C4orf50: variants seen among roughly 807,000 people sequenced by gnomAD.
C4orf50 encodes the protein uncharacterized protein C4orf50.
In C4orf50, 80 loss-of-function variants were observed where a neutral mutation model predicts 77.2. That is an observed-to-expected ratio of 1.04 (90% confidence interval 0.87 to 1.25). C4orf50 has a LOEUF of 1.25. Ranked by LOEUF, C4orf50 falls within the 50% of genes most tolerant of loss-of-function variation. C4orf50 has a pLI of 0.00. For synonymous variants in C4orf50, 532 were observed against 465.3 expected (o/e 1.14, Z -1.84); for missense variants, 1,257 against 1,152.9 (o/e 1.09, Z -1.31).
intron 33 of C4orf50, among the ~76,000 whole-genome samples, chr4:5,962,780 G>A (rs1719342195): frequency 6.6e-6 from 1 of 152,200 alleles, no homozygotes; most frequent in African/African-American, 2.4e-5. Flanking sequence ...GGGACTGGAT[G>A]AGCCAATGCC....
rs754136824 is a variant in C4orf50, at chr4:6,017,769, G to GTCCT, written c.287+372_287+375dup. On this transcript the variant is annotated intron_variant, in intron 23 of 33. Transcript: ENST00000531445. This position sits in a 1 kb window ranked among gnomAD's most constrained non-coding sequence, Gnocchi z 4.7. ...CGACCAACTGGATTTGTCTGCCTCT[G>GTCCT]TCCTTGGTTTCTCAGTTCCTTCTAC... Among the ~76,000 whole-genome samples, 152 of 152,270 alleles carry GTCCT rather than the reference G, an allele frequency of 1.0e-3. No homozygotes were observed. Among genetic ancestry groups the GTCCT allele is most frequent in the Non-Finnish European group, 1.7e-3 (118 of 68,016 alleles).
intron 25 of C4orf50, among the ~76,000 whole-genome samples, chr4:6,003,641 G>GGTGATGGTGATGACAGTGATGATGGTGA (rs1721948800): frequency 7.8e-6 from 1 of 128,822 alleles, no homozygotes; most frequent in African/African-American, 2.8e-5. Flanking sequence ...CGGTGATGAT[G>GGTGATGGTGATGACAGTGATGATGGTGA]TGATAGTGAT....
chr4:5,989,832 G>C, exon 28 of C4orf50: 1 of 1,473,186 alleles, frequency 6.8e-7, no homozygotes, highest in Non-Finnish European at 9.0e-7. Flanking sequence ...ACCCCAGACC[G>C]GATGCTTCTT....
intron 33 of C4orf50, among the ~76,000 whole-genome samples, chr4:5,962,752 A>G (rs938772710): frequency 2.6e-5 from 4 of 152,122 alleles, no homozygotes; most frequent in African/African-American, 9.7e-5. Flanking sequence ...GCTGATATCT[A>G]TTTGGTGGGC....
chr4:6,005,344 C>G (rs1371136734), intron 25 of C4orf50, among the ~76,000 whole-genome samples: 1 of 152,162 alleles, frequency 6.6e-6, no homozygotes, highest in South Asian at 2.1e-4. Context: ...GAGAACTGAG[C>G]CCCACATGAG....
At chr4:5,947,100 G>A (rs143883103) in intron 7 of C4orf50, among the ~76,000 whole-genome samples, 436 of 152,170 alleles carry the variant, frequency 2.9e-3, no homozygotes, top group African/African-American at 9.2e-3. Context: ...GATGAAAGGT[G>A]GAATATTCTG....
At chr4:5,955,985 C>A (rs1718940313), downstream of C4orf50, among the ~76,000 whole-genome samples, 1 of 152,182 alleles carries the variant, frequency 6.6e-6, no homozygotes, top group African/African-American at 2.4e-5. This position sits in a 1 kb window ranked among gnomAD's most constrained non-coding sequence, Gnocchi z 5.1. Context: ...CCAAGGCCAA[C>A]AAAATGACAA....
chr4:5,961,456 T>G (rs547166246), intron 33 of C4orf50, among the ~76,000 whole-genome samples: 3 of 152,382 alleles, frequency 2.0e-5, no homozygotes, highest in African/African-American at 7.2e-5. Context: ...TCTTGCAATA[T>G]GTCGTTCCAA....
intron 33 of C4orf50, among the ~76,000 whole-genome samples, chr4:5,963,103 G>A (rs1285204963): frequency 6.7e-6 from 1 of 150,306 alleles, no homozygotes; most frequent in Admixed American, 6.7e-5. Flanking sequence ...CCAGGTTCAA[G>A]CAATTCTGCC....
chr4:5,945,298 C>A (rs891730894), intron 7 of C4orf50, among the ~76,000 whole-genome samples: 3 of 152,164 alleles, frequency 2.0e-5, no homozygotes, highest in Non-Finnish European at 4.4e-5. Flanking sequence ...GGGCTATTCA[C>A]GATTCAGCTT....
rs569164645 is a variant in C4orf50 at position 5,989,181 on chromosome 4, A to G, written c.2865T>C (p.His955=). Residue 955 remains histidine (H), a synonymous_variant, in exon 28 of 34, where the codon CAT becomes CAC. Coordinates refer to ENST00000531445, the Ensembl canonical transcript of C4orf50. ...CTCTTTCAAGGGCGCACACTCTTTC[A>G]TGGAACCTCTCTTGGTCTCCGTGAA... 75 of 1,535,892 alleles carry G rather than the reference A, an allele frequency of 4.9e-5. 1 individual carries two copies. The African/African-American group carries it at 8.8e-4, about 18-fold the overall frequency.
exon 8 of C4orf50, chr4:5,897,891 G>A (rs1329063399): frequency 6.6e-6 from 1 of 152,202 alleles, no homozygotes; most frequent in African/African-American, 2.4e-5. Context: ...AGCTTCCGGA[G>A]GGGAGGTGTC....
rs553195307 is a variant in C4orf50, at chr4:5,992,148, G to C, written c.1221+655C>G. The stretch of plus-strand genomic sequence containing the variant: ...CTTCAAGGGAAGGGGGCGGTGAGGA[G>C]CGAGGCATATAGGGATGTGACATCC... On this transcript the variant is annotated intron_variant, in intron 27 of 33. Transcript: ENST00000531445. This position sits in a 1 kb window ranked among gnomAD's most constrained non-coding sequence, Gnocchi z 5.0. Among the ~76,000 whole-genome samples, 2 of 152,318 alleles carry C rather than the reference G, an allele frequency of 1.3e-5. No homozygotes were observed. Among genetic ancestry groups the C allele is most frequent in the African/African-American group, 4.8e-5 (2 of 41,584 alleles).
In C4orf50 at chr4:5,916,870, C is replaced by T. The variant is rs961036149; in HGVS notation, c.*2475-18682G>A. On this transcript the variant is annotated intron_variant, in intron 7 of 7. Transcript: ENST00000324058. The surrounding 1 kb of genome is among the most constrained non-coding windows in gnomAD (Gnocchi z 4.4). ...GTCTGAGCTTGCCAGCAACAAAGCA[C>T]TGCAGCTGAGAGCAGAGGCAGGCTG... is the stretch of plus-strand genomic sequence containing the variant. Among the ~76,000 whole-genome samples, 4 of 152,150 alleles carry T rather than the reference C, an allele frequency of 2.6e-5. No homozygotes were observed. The highest frequency in any genetic ancestry group is 9.7e-5 in the African/African-American group (4 of 41,448).
In C4orf50 at chr4:6,018,356, C is replaced by T. The variant is rs141297432; in HGVS notation, c.76G>A (p.Asp26Asn). The change falls in exon 23 of 34, where the codon GAC becomes AAC. Residue 26 changes from aspartate to asparagine, a missense_variant. Asp to Asn is a conservative substitution (Grantham distance 23, BLOSUM62 1). Coordinates refer to ENST00000531445, the Ensembl canonical transcript of C4orf50. The surrounding 1 kb of genome is among the most constrained non-coding windows in gnomAD (Gnocchi z 5.1). ...ATCTTCACATCAACGTTCATTATGT[C>T]GAACCCCTCACTGCTGGGGGCTCTG... The T allele has an allele frequency of 1.6e-4, 65 of 399,008 alleles. No individual in the cohort carries two copies. Among genetic ancestry groups the T allele is most frequent in the African/African-American group, 1.1e-3 (53 of 48,734 alleles). The allele number at this position is 399,008 out of a possible 1,614,324, so 24.7% of individuals were successfully genotyped here.
downstream of C4orf50, among the ~76,000 whole-genome samples, chr4:5,952,955 G>C (rs142107105): frequency 2.8e-3 from 425 of 152,334 alleles, 4 homozygotes; most frequent in African/African-American, 9.6e-3. The surrounding 1 kb of genome is among the most constrained non-coding windows in gnomAD (Gnocchi z 4.4). Flanking sequence ...AGACATTCAA[G>C]GGACAGCCGA....
chr4:6,003,083 G>A (rs1197738565), intron 25 of C4orf50, among the ~76,000 whole-genome samples: 1 of 152,184 alleles, frequency 6.6e-6, no homozygotes, highest in Non-Finnish European at 1.5e-5. Context: ...AAGGCTCTCA[G>A]CTCCTTGGCC....
At chr4:5,912,063 AAAAC>A (rs1716829926) in intron 7 of C4orf50, among the ~76,000 whole-genome samples, 1 of 108,320 alleles carries the variant, frequency 9.2e-6, no homozygotes, top group Non-Finnish European at 1.8e-5. Flanking sequence ...AAAAAAACAA[AAAAC>A]AAAAAAACCA....
Position 6,007,989 on chromosome 4 carries a change from C to T in C4orf50, c.963+7G>A, listed in dbSNP as rs1379620586. ...GATCATTCCTACCCTGAGTTCCCGC[C>T]ACTTACCAGGCTGCAGTGACCAATA... On this transcript the variant is annotated splice_region_variant and intron_variant, in intron 25 of 33. Transcript: ENST00000531445. This position sits in a 1 kb window ranked among gnomAD's most constrained non-coding sequence, Gnocchi z 4.1. 3 of 399,046 alleles carry T rather than the reference C, an allele frequency of 7.5e-6. No individual in the cohort carries two copies. Among genetic ancestry groups the T allele is most frequent in the Admixed American group, 8.8e-5 (2 of 22,724 alleles). 24.7% of individuals were successfully genotyped at this position (399,046 alleles called of 1,614,324 possible). A position where few individuals can be genotyped will look rare whatever the true frequency, so the allele number is the denominator to read the frequency against.
Sources: allele counts gnomAD v4.1 joint callset (sites outside exome capture counted in the v4.1 genomes callset), GRCh38; gene constraint gnomAD v4.1.1; non-coding constraint Gnocchi (gnomAD v3.1); transcripts MANE v1.5; gene names NCBI Gene and HGNC (gene_info 2026-07-23, HGNC 2026-07-21).